The following COPS8 variants were observed in gnomAD, a reference collection of about 807,000 sequenced individuals.
The protein encoded by COPS8 is COP9 signalosome subunit 8.
In COPS8, 11 loss-of-function variants were observed where a neutral mutation model predicts 31.5. The observed-to-expected ratio is 0.35, with a 90% CI of 0.22 to 0.58. The LOEUF (loss-of-function observed/expected upper bound fraction) is 0.58. Among genes scored for constraint, COPS8 ranks in the 20% least tolerant of loss-of-function variants. COPS8 has a pLI of 0.83. For missense variants in COPS8, 215 were observed against 255.1 expected, an observed-to-expected ratio of 0.84 and a Z score of 1.07; for synonymous variants, 81 against 89.3, an observed-to-expected ratio of 0.91 and a Z score of 0.52.
intron 2 of COPS8, chr2:237,087,498 T>A: frequency 2.6e-6 from 1 of 378,098 alleles, no homozygotes; most frequent in Non-Finnish European, 5.2e-6. Context: ...TAACTTCATA[T>A]ATAATCAATA....
At position 237,094,212 on chromosome 2, in the gene COPS8, CT is replaced by C; in HGVS notation, c.439+20del. The C allele has an allele frequency of 6.2e-7, 1 of 1,610,728 alleles. No individual in the cohort carries two copies. The highest frequency in any genetic ancestry group is 8.5e-7 in the Non-Finnish European group (1 of 1,178,040). ...GGCTGTGAAAGGTAATTTTGGCTTA[CT>C]TTTTACTTATAAGGAAAATGGAAAA... On this transcript the variant is annotated intron_variant, in intron 5 of 7. Transcript: ENST00000354371.
chr2:237,094,046 T>A (rs1165787845), intron 4 of COPS8, 44 bp from the exon 5 acceptor site: 1 of 1,597,698 alleles, frequency 6.3e-7, no homozygotes, highest in Non-Finnish European at 8.5e-7. Context: ...TTGAAAATGC[T>A]GCTCCCTGGT....
At chr2:237,097,583 T>C in intron 7 of COPS8, 80 bp from the exon 8 acceptor site, 1 of 907,348 alleles carries the variant, frequency 1.1e-6, no homozygotes, top group Non-Finnish European at 1.8e-6. Flanking sequence ...ATTGAAGGCA[T>C]TAGGGGAGGT....
At chr2:237,087,069 A>G (rs971667830) in intron 1 of COPS8, 58 bp from the exon 2 acceptor site, 35 of 1,106,106 alleles carry the variant, frequency 3.2e-5, no homozygotes, top group Admixed American at 4.5e-5. Context: ...GTTAAAGGGT[A>G]AATGAGGTTT....
intron 7 of COPS8, among the ~76,000 whole-genome samples, chr2:237,097,376 A>G (rs2106347777): frequency 6.6e-6 from 1 of 152,284 alleles, no homozygotes; most frequent in Non-Finnish European, 1.5e-5. Context: ...ATGTTGCATG[A>G]TAAAAGTGTC....
rs1347955246 is a variant in COPS8, at chr2:237,098,565, G to A, written c.*823G>A. 1 of 152,188 alleles carries A rather than the reference G, an allele frequency of 6.6e-6. No homozygotes were observed. Among genetic ancestry groups the A allele is most frequent in the Non-Finnish European group, 1.5e-5 (1 of 68,038 alleles). 9.4% of individuals were successfully genotyped at this position (152,188 alleles called of 1,614,324 possible). A position where few individuals can be genotyped will look rare whatever the true frequency, so the allele number is the denominator to read the frequency against. On this transcript the variant is annotated 3_prime_UTR_variant, in exon 8 of 8. Transcript: ENST00000354371. ...GTTCTGCCCTTTGGAGAAATACTGA[G>A]CAAGTCTTTCATTCTCTGTGTGACA...
rs761523633 is a variant in COPS8 at position 237,087,213 on chromosome 2, C to A, written c.149+16C>A. 1 of 1,580,000 alleles carries A rather than the reference C, an allele frequency of 6.3e-7. No individual in the cohort carries two copies. ...ATAATGACATGTAAGTATGTTTAAC[C>A]TAAAGCTAAGAGCAACAGGTTTCTC... On this transcript the variant is annotated intron_variant, in intron 2 of 7. Coordinates refer to ENST00000354371, the MANE Select transcript of COPS8 (RefSeq NM_006710.5).
Position 237,099,797 on chromosome 2 carries a change from G to A in COPS8, c.*2055G>A, listed in dbSNP as rs950390432. ...TAGTTCCAGGGCAGTAAGTGTACAA[G>A]TTCATATCTGGTACAAGATGTCCAG... is the stretch of plus-strand genomic sequence containing the variant. On this transcript the variant is annotated 3_prime_UTR_variant, in exon 8 of 8. Transcript: ENST00000354371. 6.6e-6 allele frequency: 1 copy of A among 152,164 alleles called. No homozygotes were observed. Among genetic ancestry groups the A allele is most frequent in the African/African-American group, 2.4e-5 (1 of 41,436 alleles). The allele number at this position is 152,164 out of a possible 1,614,324, so 9.4% of individuals were successfully genotyped here.
intron 5 of COPS8, among the ~76,000 whole-genome samples, chr2:237,095,401 A>G (rs150580060): frequency 4.5e-4 from 69 of 152,318 alleles, no homozygotes; most frequent in African/African-American, 1.5e-3. Context: ...AATCATCCCT[A>G]TAAAAGCACG....
chr2:237,086,727 T>C (rs1479621318), intron 1 of COPS8: 33 of 956,300 alleles, frequency 3.5e-5, no homozygotes, highest in East Asian at 1.1e-4. Flanking sequence ...CTGTCTCTTA[T>C]TCAGGACGCT....
In COPS8 at chr2:237,085,955, G is replaced by A; in HGVS notation, c.-10G>A. On this transcript the variant is annotated 5_prime_UTR_variant, in exon 1 of 8. Coordinates refer to ENST00000354371, the MANE Select transcript of COPS8 (RefSeq NM_006710.5). ...GTCCGGACGGTGCAGCGGCGAGGCCGGCCGCGAAGATGCCAGTGGCGGTGA... is the reference window on the plus strand; with the variant it reads ...GTCCGGACGGTGCAGCGGCGAGGCCAGCCGCGAAGATGCCAGTGGCGGTGA... The A allele has an allele frequency of 4.3e-6, 7 of 1,612,000 alleles. No homozygotes were observed. Among genetic ancestry groups the A allele is most frequent in the Non-Finnish European group, 5.9e-6 (7 of 1,178,990 alleles).
At chr2:237,096,438 C>T (rs904092999) in intron 6 of COPS8, among the ~76,000 whole-genome samples, 2 of 152,198 alleles carry the variant, frequency 1.3e-5, no homozygotes, top group Admixed American at 1.3e-4. Context: ...TCTCTTCCTC[C>T]TGCTGACCAG....
chr2:237,090,851 T>C (rs1197405785), intron 4 of COPS8, among the ~76,000 whole-genome samples: 1 of 152,098 alleles, frequency 6.6e-6, no homozygotes, highest in African/African-American at 2.4e-5. Flanking sequence ...TAAATGTGAA[T>C]GAAATGAGCA....
chr2:237,087,067 G>A, intron 1 of COPS8, 60 bp from the exon 2 acceptor site: 1 of 1,084,974 alleles, frequency 9.2e-7, no homozygotes, highest in South Asian at 1.4e-5. Flanking sequence ...AAGTTAAAGG[G>A]TAAATGAGGT....
intron 4 of COPS8, chr2:237,093,592 T>C (rs562559943): frequency 1.5e-6 from 1 of 667,470 alleles, no homozygotes; most frequent in South Asian, 6.7e-5. Context: ...TTTTGAACCT[T>C]AATTCAGTCA....
chr2:237,093,140 C>T (rs1017382998), intron 4 of COPS8, among the ~76,000 whole-genome samples: 3 of 152,026 alleles, frequency 2.0e-5, no homozygotes, highest in African/African-American at 4.8e-5. Flanking sequence ...TTTCAGGCCA[C>T]GGGATAGCAT....
Position 237,094,085 on chromosome 2 carries a change from A to G in COPS8, c.332-5A>G. 6.2e-7 allele frequency: 1 copy of G among 1,612,854 alleles called. No individual in the cohort carries two copies. Among genetic ancestry groups the G allele is most frequent in the South Asian group, 1.1e-5 (1 of 90,824 alleles). On this transcript the variant is annotated splice_polypyrimidine_tract_variant and splice_region_variant and intron_variant, in intron 4 of 7. Coordinates refer to ENST00000354371, the MANE Select transcript of COPS8 (RefSeq NM_006710.5). ...CTCTCTGCCAACCCACCACTCCCAC[A>G]ATAGATGCAACAAGGAGACGCGCCT... is the stretch of plus-strand genomic sequence containing the variant.
rs1696851929 is a variant in COPS8 at position 237,099,099 on chromosome 2, TATTC to T, written c.*1361_*1364del. 1 of 152,136 alleles carries T rather than the reference TATTC, an allele frequency of 6.6e-6. No individual in the cohort carries two copies. The highest frequency in any genetic ancestry group is 2.1e-4 in the South Asian group (1 of 4,834). 9.4% of individuals were successfully genotyped at this position (152,136 alleles called of 1,614,324 possible). On this transcript the variant is annotated 3_prime_UTR_variant, in exon 8 of 8. Transcript: ENST00000354371. The stretch of plus-strand genomic sequence containing the variant: ...AAAAGCAGATTAGAGTCAATCCAAA[TATTC>T]ATTAATAGGGGATTGTTTGAATAAA...
Position 237,099,810 on chromosome 2 carries a change from A to ACCAGATGTCCAGGATT in COPS8, c.*2069_*2070insCAGATGTCCAGGATTC. On this transcript the variant is annotated 3_prime_UTR_variant, in exon 8 of 8. Transcript: ENST00000354371. ...GTAAGTGTACAAGTTCATATCTGGTACAAGATGTCCAGGATTCAAGGAGGC... is the reference window on the plus strand; with the variant it reads ...GTAAGTGTACAAGTTCATATCTGGTACCAGATGTCCAGGATTCAAGATGTCCAGGATTCAAGGAGGC... 1 of 152,220 alleles carries ACCAGATGTCCAGGATT rather than the reference A, an allele frequency of 6.6e-6. No individual in the cohort carries two copies. The highest frequency in any genetic ancestry group is 1.5e-5 in the Non-Finnish European group (1 of 68,042). The allele number at this position is 152,220 out of a possible 1,614,324, so 9.4% of individuals were successfully genotyped here.
Sources: allele counts gnomAD v4.1 joint callset (sites outside exome capture counted in the v4.1 genomes callset), GRCh38; gene constraint gnomAD v4.1.1; transcripts MANE v1.5; gene names NCBI Gene and HGNC (gene_info 2026-07-23, HGNC 2026-07-21).